The following SPCS1 variants were observed in gnomAD, a reference collection of about 807,000 sequenced individuals.
SPCS1 encodes the protein SPase 12 kDa subunit.
In SPCS1, 10 loss-of-function variants were observed where a neutral mutation model predicts 16.4. That is an observed-to-expected ratio of 0.61 (90% CI 0.38 to 1.03). The LOEUF (loss-of-function observed/expected upper bound fraction) is 1.03, where lower values mean the gene tolerates loss of function less well. SPCS1 is among the 50% of genes least tolerant of loss of function. The probability of loss-of-function intolerance (pLI) is 0.01; values close to 1 mark genes in which losing one functional copy is unlikely to be tolerated. For missense variants in SPCS1, 118 were observed against 123.8 expected, an observed-to-expected ratio of 0.95 and a Z score of 0.22; for synonymous variants, 47 against 42.5, an observed-to-expected ratio of 1.10 and a Z score of -0.41.
At position 52,706,125 on chromosome 3, in the gene SPCS1, G is replaced by T; in HGVS notation, c.-122G>T. On this transcript the variant is annotated 5_prime_UTR_variant, in exon 1 of 4. Transcript: ENST00000619898. Reference sequence around the variant, plus strand: ...GGGGCCGCCGCCATCGCTCTCCCGGGCTTAGAAGGCCCGGCTACTGACGCG... The same window carrying T: ...GGGGCCGCCGCCATCGCTCTCCCGGTCTTAGAAGGCCCGGCTACTGACGCG... The T allele has an allele frequency of 6.5e-7, 1 of 1,540,124 alleles. No homozygotes were observed. Among genetic ancestry groups the T allele is most frequent in the South Asian group, 1.2e-5 (1 of 84,048 alleles).
intron 3 of SPCS1, 118 bp from the exon 4 acceptor site, chr3:52,707,569 T>G (rs894943944): frequency 1.0e-5 from 11 of 1,087,114 alleles, no homozygotes; most frequent in African/African-American, 1.6e-5. Context: ...ATATGGATTT[T>G]TTTTTTTGTT....
rs1242646801 is a variant in SPCS1 at position 52,706,869 on chromosome 3, T to C, written c.173T>C (p.Phe58Ser). The C allele has an allele frequency of 6.2e-7, 1 of 1,614,002 alleles. No homozygotes were observed. The change falls in exon 3 of 4, where the codon TTT becomes TCT. Residue 58 changes from phenylalanine to serine, a missense_variant. Physicochemically the swap from Phe to Ser is radical, Grantham distance 155 (BLOSUM62 -2). Transcript: ENST00000619898. ...TATATAGTTATGGCCGGATTTGCTT[T>C]TTCATGTTTGGTAAGAAATTTGTGG... ...TVYIVMAGFA[F>S]SCLLTLPPWP...
At position 52,709,837 on chromosome 3, in the gene SPCS1, C is replaced by T. The variant is rs956176522; in HGVS notation, c.*2025C>T. The stretch of plus-strand genomic sequence containing the variant: ...ACGATGTGGATTTCCAAAACATGCA[C>T]GGAAAGGTGAATAGCTCAAGGATAC... On this transcript the variant is annotated 3_prime_UTR_variant, in exon 4 of 4. Transcript: ENST00000619898. 1 of 151,758 alleles carries T rather than the reference C, an allele frequency of 6.6e-6. No homozygotes were observed. Among genetic ancestry groups the T allele is most frequent in the East Asian group, 1.9e-4 (1 of 5,182 alleles). 9.4% of individuals were successfully genotyped at this position (151,758 alleles called of 1,614,324 possible). A position where few individuals can be genotyped will look rare whatever the true frequency, so the allele number is the denominator to read the frequency against.
In SPCS1 at chr3:52,707,814, G is replaced by T. The variant is rs2097346184; in HGVS notation, c.*2G>T. On this transcript the variant is annotated 3_prime_UTR_variant, in exon 4 of 4. Coordinates refer to ENST00000619898, the MANE Select transcript of SPCS1 (RefSeq NM_014041.5). ...AAGAGGCATGCTAAAAATAATTGAG[G>T]TTTTCATGATTCAGCACCTGCTTTT... The T allele has an allele frequency of 6.2e-7, 1 of 1,613,766 alleles. No individual in the cohort carries two copies. The highest frequency in any genetic ancestry group is 8.5e-7 in the Non-Finnish European group (1 of 1,179,900).
chr3:52,707,541 C>A, intron 3 of SPCS1, 146 bp from the exon 4 acceptor site: 1 of 764,908 alleles, frequency 1.3e-6, no homozygotes, highest in Admixed American at 2.9e-5. Flanking sequence ...TGGATGGTGG[C>A]ACAGAGCCTT....
rs995680554 is a variant in SPCS1, at chr3:52,706,207, C to G, written c.-40C>G. 6.4e-7 allele frequency: 1 copy of G among 1,571,240 alleles called. No homozygotes were observed. The highest frequency in any genetic ancestry group is 8.6e-7 in the Non-Finnish European group (1 of 1,165,706). ...AGTCTCGGTCGCCCTCGCCTCGCAG[C>G]CTGCCACCCGCGCTCAGCTGCCCGC... On this transcript the variant is annotated 5_prime_UTR_variant, in exon 1 of 4. Coordinates refer to ENST00000619898, the MANE Select transcript of SPCS1 (RefSeq NM_014041.5).
At position 52,706,605 on chromosome 3, in the gene SPCS1, C is replaced by T. The variant is rs756478537; in HGVS notation, c.37-39C>T. The T allele has an allele frequency of 5.0e-6, 8 of 1,586,080 alleles. No individual in the cohort carries two copies. The Admixed American group carries it at 6.7e-5, about 13-fold the overall frequency. On this transcript the variant is annotated intron_variant, in intron 1 of 3. Coordinates refer to ENST00000619898, the MANE Select transcript of SPCS1 (RefSeq NM_014041.5). ...CAGGGCAGGAATTGTATGTTCTCGG[C>T]GGTGGAACCAATTCTTTTTTTCCTC...
Position 52,706,817 on chromosome 3 carries a change from G to C in SPCS1, c.121G>C (p.Val41Leu). 6.2e-7 allele frequency: 1 copy of C among 1,614,090 alleles called. No individual in the cohort carries two copies. Among genetic ancestry groups the C allele is most frequent in the Non-Finnish European group, 8.5e-7 (1 of 1,179,962 alleles). The change falls in exon 3 of 4, where the codon GTG (valine) becomes CTG (leucine). Residue 41 changes from valine to leucine, a missense_variant. Transcript: ENST00000619898. ...SAIVGFIYGY[V>L]AEQFGWTVYI... ...GATAGTTGGATTTATCTACGGGTAC[G>C]TGGCTGAACAGTTCGGGTGGACTGT...
Position 52,708,413 on chromosome 3 carries a change from G to A in SPCS1, c.*601G>A, listed in dbSNP as rs775808604. On this transcript the variant is annotated 3_prime_UTR_variant, in exon 4 of 4. Coordinates refer to ENST00000619898, the MANE Select transcript of SPCS1 (RefSeq NM_014041.5). ...CGGGGACTTTGTTTTGCTCACTGCT[G>A]TCTACCCAGTACATAGAAGAGTACA... 6.5e-6 allele frequency: 1 copy of A among 152,920 alleles called. No individual in the cohort carries two copies. Among genetic ancestry groups the A allele is most frequent in the Non-Finnish European group, 1.5e-5 (1 of 68,600 alleles). 9.5% of individuals were successfully genotyped at this position (152,920 alleles called of 1,614,324 possible).
chr3:52,709,453 T>G lies in SPCS1; in HGVS notation c.*1641T>G, dbSNP rs2097348169. ...CAGGTGTGGTGGTTCATGCCTATAA[T>G]CCCAGCACTTTCAGAGGCCGATGCA... On this transcript the variant is annotated 3_prime_UTR_variant, in exon 4 of 4. Coordinates refer to ENST00000619898, the MANE Select transcript of SPCS1 (RefSeq NM_014041.5). The G allele has an allele frequency of 6.6e-6, 1 of 151,790 alleles. No homozygotes were observed. Among genetic ancestry groups the G allele is most frequent in the South Asian group, 2.1e-4 (1 of 4,814 alleles). The allele number at this position is 151,790 out of a possible 1,614,324, so 9.4% of individuals were successfully genotyped here.
chr3:52,706,355 C>T, intron 1 of SPCS1, 73 bp downstream of exon 1: 1 of 1,483,894 alleles, frequency 6.7e-7, no homozygotes, highest in Non-Finnish European at 9.1e-7. Flanking sequence ...GTTGGAGCAC[C>T]GACCCGGTGC....
chr3:52,707,859 A>G lies in SPCS1; in HGVS notation c.*47A>G. On this transcript the variant is annotated 3_prime_UTR_variant, in exon 4 of 4. Coordinates refer to ENST00000619898, the MANE Select transcript of SPCS1 (RefSeq NM_014041.5). ...GCTTTTGTTTCTGTGAGATGAGCTA[A>G]ATTGCTTTCATACCCCAGATAAGAG... The G allele has an allele frequency of 6.2e-7, 1 of 1,611,454 alleles. No individual in the cohort carries two copies. Among genetic ancestry groups the G allele is most frequent in the Non-Finnish European group, 8.5e-7 (1 of 1,178,486 alleles).
intron 3 of SPCS1, chr3:52,707,158 TTTTA>T (rs946694077): frequency 1.0e-4 from 31 of 311,228 alleles, no homozygotes; most frequent in African/African-American, 2.2e-4. Context: ...TCCCTTCACC[TTTTA>T]TTTATTTATT....
At chr3:52,707,569 TTTTTTTTG>T (rs1172978907) in intron 3 of SPCS1, 110 bp from the exon 4 acceptor site, 39 of 1,087,108 alleles carry the variant, frequency 3.6e-5, no homozygotes, top group South Asian at 3.3e-4. Flanking sequence ...ATATGGATTT[TTTTTTTTG>T]TTTTTTTGTT....
Position 52,710,523 on chromosome 3 carries a change from G to C in SPCS1, c.*2711G>C, listed in dbSNP as rs2097349375. On this transcript the variant is annotated 3_prime_UTR_variant, in exon 4 of 4. Transcript: ENST00000619898. The stretch of plus-strand genomic sequence containing the variant: ...TTCCTGTAATCCTGGCACTTTGGGA[G>C]GCTGAGGTGAGTGGATTGCTTGAGC... The C allele has an allele frequency of 2.0e-5, 3 of 152,176 alleles. No individual in the cohort carries two copies. The highest frequency in any genetic ancestry group is 4.4e-5 in the Non-Finnish European group (3 of 68,040). 9.4% of individuals were successfully genotyped at this position (152,176 alleles called of 1,614,324 possible).
chr3:52,707,398 C>T, intron 3 of SPCS1: 1 of 277,720 alleles, frequency 3.6e-6, no homozygotes, highest in East Asian at 7.5e-5. Context: ...TCAAGCAATC[C>T]GCCCACCTTG....
chr3:52,708,784 G>A lies in SPCS1; in HGVS notation c.*972G>A, dbSNP rs2097347373. The A allele has an allele frequency of 6.6e-6, 1 of 152,156 alleles. No individual in the cohort carries two copies. The highest frequency in any genetic ancestry group is 2.4e-5 in the African/African-American group (1 of 41,432). The allele number at this position is 152,156 out of a possible 1,614,324, so 9.4% of individuals were successfully genotyped here. On this transcript the variant is annotated 3_prime_UTR_variant, in exon 4 of 4. Transcript: ENST00000619898. ...TGCAAGCAGTAAAGGTTGTGCAGGT[G>A]ATATTCAGTAACACTGCAGTGTAGC...
intron 1 of SPCS1, 121 bp downstream of exon 1, chr3:52,706,403 C>T (rs2097344767): frequency 7.9e-6 from 9 of 1,134,522 alleles, no homozygotes; most frequent in South Asian, 1.5e-5. Context: ...CGTCCACCCT[C>T]TTTCCCGAAT....
intron 1 of SPCS1, 108 bp downstream of exon 1, chr3:52,706,390 T>C: frequency 8.2e-7 from 1 of 1,219,626 alleles, no homozygotes; most frequent in South Asian, 1.4e-5. Context: ...CCCGGATGGT[T>C]ACCGTCCACC....
Sources: gnomAD v4.1 joint callset for allele counts on GRCh38, gnomAD v4.1.1 for gene constraint, MANE v1.5 for transcripts, NCBI Gene and HGNC (gene_info 2026-07-23, HGNC 2026-07-21) for gene names.